The following PRKAR2A variants were observed in gnomAD, a reference collection of about 807,000 sequenced individuals.
PRKAR2A encodes protein kinase cAMP-dependent type II regulatory subunit alpha.
A neutral mutation model predicts 51.9 loss-of-function variants in PRKAR2A; 29 were observed. That is an observed-to-expected ratio of 0.56 (90% CI 0.42 to 0.76). PRKAR2A has a LOEUF of 0.76. PRKAR2A is among the 30% of genes least tolerant of loss of function. PRKAR2A has a pLI of 0.00. For missense variants in PRKAR2A, 445 were observed against 512.1 expected (o/e 0.87, Z 1.26); for synonymous variants, 178 against 186.2 (o/e 0.96, Z 0.36).
At position 48,765,278 on chromosome 3, in the gene PRKAR2A, A is replaced by G. The variant is rs201418055; in HGVS notation, c.768T>C (p.Ile256=). 33 of 1,612,572 alleles carry G rather than the reference A, an allele frequency of 2.0e-5. No individual in the cohort carries two copies. The highest frequency in any genetic ancestry group is 2.6e-5 in the Non-Finnish European group (31 of 1,179,126). ...AKKRKMFESF[I]ESVPLLKSLE... Reference sequence around the variant, plus strand: ...GTGATTTAAGGAGGGGCACAGACTCAATAAATGATTCAAACATCTTCCTCT... The same window carrying G: ...GTGATTTAAGGAGGGGCACAGACTCGATAAATGATTCAAACATCTTCCTCT... The change falls in exon 7 of 11, where the codon ATT becomes ATC. Residue 256 remains isoleucine (I), a synonymous_variant. Transcript: ENST00000265563.
intron 4 of PRKAR2A, 32 bp downstream of exon 4, chr3:48,790,512 T>G: frequency 6.9e-7 from 1 of 1,441,166 alleles, no homozygotes. Flanking sequence ...AAAAGATCAT[T>G]ATAATAAAAA....
In PRKAR2A at chr3:48,749,893, CTTTCT is replaced by C. The variant is rs1366495060; in HGVS notation, c.*1687_*1691del. 1 of 151,096 alleles carries C rather than the reference CTTTCT, an allele frequency of 6.6e-6. No individual in the cohort carries two copies. Among genetic ancestry groups the C allele is most frequent in the African/African-American group, 2.4e-5 (1 of 41,180 alleles). 9.4% of individuals were successfully genotyped at this position (151,096 alleles called of 1,614,324 possible). On this transcript the variant is annotated 3_prime_UTR_variant, in exon 11 of 11. Transcript: ENST00000265563. ...AATTACCTAAAGAATAATTTTTTTT[CTTTCT>C]TTTTTTTTTTTTAAGAGACAGGGTC... is the stretch of plus-strand genomic sequence containing the variant.
chr3:48,774,897 T>C (rs1042171593), intron 5 of PRKAR2A, among the ~76,000 whole-genome samples: 5 of 152,062 alleles, frequency 3.3e-5, no homozygotes, highest in African/African-American at 4.8e-5. Flanking sequence ...CAATATTAAG[T>C]GGAAGTGGTG....
intron 8 of PRKAR2A, among the ~76,000 whole-genome samples, chr3:48,762,189 C>A (rs554333598): frequency 6.6e-6 from 1 of 151,984 alleles, no homozygotes; most frequent in African/African-American, 2.4e-5. Context: ...AAGGCCAAGG[C>A]GGGCAGATGG....
chr3:48,818,648 G>C, intron 1 of PRKAR2A, among the ~76,000 whole-genome samples: 1 of 152,302 alleles, frequency 6.6e-6, no homozygotes, highest in South Asian at 2.1e-4. Context: ...CAGCTGCTTG[G>C]GAGGCTGAGG....
At chr3:48,765,501 A>T (rs1319633144) in intron 6 of PRKAR2A, 152 bp from the exon 7 acceptor site, 9 of 636,564 alleles carry the variant, frequency 1.4e-5, no homozygotes, top group Admixed American at 3.2e-5. Context: ...CATCACTGGA[A>T]GTAAAGGACC....
intron 8 of PRKAR2A, among the ~76,000 whole-genome samples, chr3:48,760,547 C>T (rs986747911): frequency 3.3e-5 from 5 of 151,054 alleles, no homozygotes; most frequent in African/African-American, 9.7e-5. Context: ...GTAGGCCGGG[C>T]GCAGTGGCTC....
intron 1 of PRKAR2A, among the ~76,000 whole-genome samples, chr3:48,826,537 C>T (rs2083070286): frequency 6.6e-6 from 1 of 152,056 alleles, no homozygotes; most frequent in Non-Finnish European, 1.5e-5. Flanking sequence ...ACTGGCGTTT[C>T]CTAACATAGA....
chr3:48,813,398 G>A (rs1014481777), intron 1 of PRKAR2A, among the ~76,000 whole-genome samples: 2 of 150,482 alleles, frequency 1.3e-5, no homozygotes, highest in African/African-American at 4.9e-5. Context: ...GTAAGATCCT[G>A]TCTCTTTAAA....
At chr3:48,808,051 T>C (rs1282370741) in intron 1 of PRKAR2A, among the ~76,000 whole-genome samples, 1 of 146,058 alleles carries the variant, frequency 6.8e-6, no homozygotes, top group African/African-American at 2.5e-5. Flanking sequence ...TTTCTTTCTT[T>C]TTTTTTTTTT....
At chr3:48,775,685 G>A (rs1161891532) in intron 5 of PRKAR2A, among the ~76,000 whole-genome samples, 1 of 151,940 alleles carries the variant, frequency 6.6e-6, no homozygotes, top group Non-Finnish European at 1.5e-5. Context: ...CAAAGATACT[G>A]CAAAAGATTT....
At chr3:48,822,730 T>G (rs2082988372) in intron 1 of PRKAR2A, among the ~76,000 whole-genome samples, 1 of 150,990 alleles carries the variant, frequency 6.6e-6, no homozygotes, top group Non-Finnish European at 1.5e-5. Flanking sequence ...TGTTGTTTTT[T>G]TTTTTTTTTT....
chr3:48,788,517 G>GGCCTTCA (rs1165346592), intron 4 of PRKAR2A, among the ~76,000 whole-genome samples: 5 of 152,146 alleles, frequency 3.3e-5, no homozygotes, highest in African/African-American at 1.2e-4. Context: ...AAACAGTAGA[G>GGCCTTCA]AAGAATAGAG....
At chr3:48,765,904 G>T (rs886114616) in intron 6 of PRKAR2A, among the ~76,000 whole-genome samples, 1 of 151,926 alleles carries the variant, frequency 6.6e-6, no homozygotes, top group Non-Finnish European at 1.5e-5. Context: ...AATCTTAATG[G>T]GGAGATAATA....
intron 1 of PRKAR2A, among the ~76,000 whole-genome samples, chr3:48,816,880 A>T (rs983712537): frequency 2.0e-5 from 3 of 152,164 alleles, no homozygotes; most frequent in African/African-American, 7.2e-5. Flanking sequence ...TTAAACATTT[A>T]GCATTAAACC....
intron 1 of PRKAR2A, among the ~76,000 whole-genome samples, chr3:48,838,769 G>C (rs2083327418): frequency 6.6e-6 from 1 of 150,604 alleles, no homozygotes; most frequent in Non-Finnish European, 1.5e-5. Context: ...ACGAGGTCAG[G>C]AGATCGAGAC....
intron 5 of PRKAR2A, among the ~76,000 whole-genome samples, chr3:48,775,142 G>T (rs2082086232): frequency 6.6e-6 from 1 of 151,892 alleles, no homozygotes; most frequent in South Asian, 2.1e-4. Flanking sequence ...TTAAAACAAA[G>T]ATTAAAACAA....
chr3:48,746,491 G>A (rs2081563772), downstream of PRKAR2A: 1 of 151,700 alleles, frequency 6.6e-6, no homozygotes, highest in African/African-American at 2.4e-5. Flanking sequence ...AGATCTACCA[G>A]AAGAATGAAT....
intron 1 of PRKAR2A, among the ~76,000 whole-genome samples, chr3:48,830,995 T>A (rs1048404812): frequency 6.6e-6 from 1 of 152,132 alleles, no homozygotes; most frequent in African/African-American, 2.4e-5. Flanking sequence ...CAGATGAAGC[T>A]TCACTTGCTT....
Sources: allele counts gnomAD v4.1 joint callset (sites outside exome capture counted in the v4.1 genomes callset), GRCh38; gene constraint gnomAD v4.1.1; transcripts MANE v1.5; gene names NCBI Gene and HGNC (gene_info 2026-07-23, HGNC 2026-07-21).